The following CBFA2T3 variants were observed in gnomAD, a reference collection of about 807,000 sequenced individuals.
CBFA2T3 encodes transcriptional corepressor CBFA2T3.
In CBFA2T3, 31 loss-of-function variants were observed where a neutral mutation model predicts 58.6. That is an observed-to-expected ratio of 0.53 (90% CI 0.40 to 0.71). CBFA2T3 has a LOEUF of 0.71. CBFA2T3 is among the 30% of genes least tolerant of loss of function. The probability of loss-of-function intolerance (pLI) is 0.00; values close to 1 mark genes in which losing one functional copy is unlikely to be tolerated. For synonymous variants in CBFA2T3, 531 were observed against 421.9 expected (o/e 1.26, Z -3.17); for missense variants, 1,076 against 963.1 (o/e 1.12, Z -1.55).
rs145882135 is a variant in CBFA2T3, at chr16:88,893,790, G to C, written c.380-1305C>G. On this transcript the variant is annotated intron_variant, in intron 3 of 11. Transcript: ENST00000268679. The stretch of plus-strand genomic sequence containing the variant: ...CCGGGCCTCACCCCTTTTCTCAGGT[G>C]ACAGAGCTAAGGCCAAGCCTCTTGC... Among the ~76,000 whole-genome samples the C allele has an allele frequency of 2.0e-3, 299 of 152,312 alleles. 1 individual carries two copies. The highest frequency in any genetic ancestry group is 6.5e-3 in the African/African-American group (269 of 41,554).
At chr16:88,884,809 G>A in intron 7 of CBFA2T3, 1 of 462,094 alleles carries the variant, frequency 2.2e-6, no homozygotes, top group African/African-American at 2.0e-5. Context: ...CACGTGGGCA[G>A]TTCCAGGCCC....
chr16:88,939,333 T>A (rs894150639), intron 1 of CBFA2T3: 1 of 152,302 alleles, frequency 6.6e-6, no homozygotes, highest in Non-Finnish European at 1.5e-5. Flanking sequence ...ACCACTCATG[T>A]GAACTTCCCT....
At chr16:88,970,205 A>G (rs1251843629) in intron 1 of CBFA2T3, among the ~76,000 whole-genome samples, 2 of 151,960 alleles carry the variant, frequency 1.3e-5, no homozygotes, top group Non-Finnish European at 2.9e-5. Flanking sequence ...GGCGGCCCCA[A>G]GCCGGCAGCC....
chr16:88,945,043 T>C (rs1971867540), intron 1 of CBFA2T3, among the ~76,000 whole-genome samples: 1 of 152,220 alleles, frequency 6.6e-6, no homozygotes, highest in Admixed American at 6.5e-5. Context: ...CTCTCAAACA[T>C]TTTCTGTTAT....
intron 1 of CBFA2T3, among the ~76,000 whole-genome samples, chr16:88,921,822 A>G (rs1011655338): frequency 2.0e-5 from 3 of 152,174 alleles, no homozygotes; most frequent in African/African-American, 7.2e-5. Flanking sequence ...GACGCCCCCC[A>G]TATGCGCCAT....
intron 5 of CBFA2T3, among the ~76,000 whole-genome samples, chr16:88,891,514 A>C (rs1969628849): frequency 6.6e-6 from 1 of 152,138 alleles, no homozygotes; most frequent in South Asian, 2.1e-4. Context: ...TTGCCCCCAC[A>C]CTGGCACGTC....
At chr16:88,946,389 G>T (rs750575939) in intron 1 of CBFA2T3, among the ~76,000 whole-genome samples, 5 of 152,158 alleles carry the variant, frequency 3.3e-5, no homozygotes, top group African/African-American at 9.7e-5. Context: ...CAACTCAATA[G>T]CATTCAGGAA....
intron 3 of CBFA2T3, among the ~76,000 whole-genome samples, chr16:88,897,643 C>T (rs961511963): frequency 1.3e-5 from 2 of 152,162 alleles, no homozygotes; most frequent in Admixed American, 1.3e-4. Flanking sequence ...AACTGAGGCA[C>T]GGGGGGTGGT....
At chr16:88,933,244 C>T (rs1418030072) in intron 1 of CBFA2T3, among the ~76,000 whole-genome samples, 2 of 152,226 alleles carry the variant, frequency 1.3e-5, no homozygotes, top group Admixed American at 1.3e-4. Flanking sequence ...AGTGCAGGGT[C>T]CCAGACTGCA....
rs922025859 is a variant in CBFA2T3, at chr16:88,875,576, A to T, written c.*1400T>A. ...TAGCTGCGGTGGGGCGATGGGGCCG[A>T]GAGGTTGGAGTTGGGGCGATGGGGC... On this transcript the variant is annotated 3_prime_UTR_variant, in exon 12 of 12. Transcript: ENST00000268679. 1.1e-4 allele frequency: 25 copies of T among 231,502 alleles called. No individual in the cohort carries two copies. The highest frequency in any genetic ancestry group is 5.6e-4 in the African/African-American group (25 of 44,306). The allele number at this position is 231,502 out of a possible 1,614,324, so 14.3% of individuals were successfully genotyped here. A position where few individuals can be genotyped will look rare whatever the true frequency, so the allele number is the denominator to read the frequency against.
At chr16:88,903,661 G>T (rs1470538206) in intron 1 of CBFA2T3, among the ~76,000 whole-genome samples, 1 of 62,364 alleles carries the variant, frequency 1.6e-5, no homozygotes, top group Non-Finnish European at 3.1e-5. Flanking sequence ...TTCCCGGCTG[G>T]GGGGGGGGGC....
intron 1 of CBFA2T3, among the ~76,000 whole-genome samples, chr16:88,905,900 C>G (rs1209282246): frequency 6.6e-6 from 1 of 151,862 alleles, no homozygotes; most frequent in Non-Finnish European, 1.5e-5. Context: ...CTGCCCTGGA[C>G]ACCCATTTCC....
In CBFA2T3 at chr16:88,885,247, G is replaced by A. The variant is rs367560755; in HGVS notation, c.916C>T (p.Arg306Cys). ...PDRTKENGSD[R>C]DPLHPEHLSK... is the part of the protein sequence containing the mutation. ...AGGTGCTCGGGGTGCAGCGGGTCGC[G>A]GTCTGACCCGTTCTCTTTGGTCCTA... Residue 306 changes from arginine (R) to cysteine (C), a missense_variant, in exon 7 of 12, where the codon CGC (arginine) becomes TGC (cysteine). Arg to Cys is a radical substitution (Grantham distance 180). Coordinates refer to ENST00000268679, the MANE Select transcript of CBFA2T3 (RefSeq NM_005187.6). This position sits in a 1 kb window ranked among gnomAD's most constrained non-coding sequence, Gnocchi z 5.3. 7.0e-6 allele frequency: 11 copies of A among 1,565,764 alleles called. No homozygotes were observed. Among genetic ancestry groups the A allele is most frequent in the South Asian group, 3.5e-5 (3 of 84,946 alleles).
chr16:88,915,839 C>G (rs1388492994), intron 1 of CBFA2T3, among the ~76,000 whole-genome samples: 1 of 151,882 alleles, frequency 6.6e-6, no homozygotes, highest in Admixed American at 6.6e-5. Flanking sequence ...TGGCTGGTCA[C>G]CTCAGTCAGA....
At chr16:88,881,029 T>A (rs765559402) in intron 9 of CBFA2T3, 3 of 699,438 alleles carry the variant, frequency 4.3e-6, no homozygotes, top group Non-Finnish European at 2.6e-6. Context: ...GGGCCTCTCC[T>A]GTGTCAGCAT....
At position 88,875,151 on chromosome 16, in the gene CBFA2T3, AC is replaced by A; in HGVS notation, c.*1824del. The stretch of plus-strand genomic sequence containing the variant: ...TGCCAGGCCACGGGCCACGCCACGC[AC>A]ACAGATGCCAGGCCACGGGCCACAC... On this transcript the variant is annotated 3_prime_UTR_variant, in exon 12 of 12. Transcript: ENST00000268679. 4.3e-6 allele frequency: 1 copy of A among 234,008 alleles called. No homozygotes were observed. The highest frequency in any genetic ancestry group is 8.4e-6 in the Non-Finnish European group (1 of 119,194). 14.5% of individuals were successfully genotyped at this position (234,008 alleles called of 1,614,324 possible). A position where few individuals can be genotyped will look rare whatever the true frequency, so the allele number is the denominator to read the frequency against.
At chr16:88,962,650 G>C (rs909586826) in intron 1 of CBFA2T3, among the ~76,000 whole-genome samples, 1 of 152,248 alleles carries the variant, frequency 6.6e-6, no homozygotes, top group African/African-American at 2.4e-5. Flanking sequence ...CACGTTTCGG[G>C]GGGAGACAGC....
intron 1 of CBFA2T3, among the ~76,000 whole-genome samples, chr16:88,942,058 C>T (rs1400973566): frequency 6.6e-6 from 1 of 152,128 alleles, no homozygotes; most frequent in Non-Finnish European, 1.5e-5. Context: ...CCCGCGGGTC[C>T]CGGGGCCAGG....
intron 1 of CBFA2T3, among the ~76,000 whole-genome samples, chr16:88,909,514 G>A (rs530660550): frequency 6.6e-6 from 1 of 152,176 alleles, no homozygotes; most frequent in East Asian, 1.9e-4. Flanking sequence ...GGACGCCACT[G>A]CAACCCGGGT....
Sources: allele counts gnomAD v4.1 joint callset (sites outside exome capture counted in the v4.1 genomes callset), GRCh38; gene constraint gnomAD v4.1.1; non-coding constraint Gnocchi (gnomAD v3.1); transcripts MANE v1.5; gene names NCBI Gene and HGNC (gene_info 2026-07-23, HGNC 2026-07-21).